Variants in PSMA8 observed in about 807,000 individuals in gnomAD.
PSMA8 encodes the protein proteasome 20S subunit alpha 8.
Under a neutral mutation model 32.4 loss-of-function variants are expected in PSMA8, and 18 were observed. The observed-to-expected ratio is 0.56, with a 90% CI of 0.38 to 0.82. PSMA8 has a LOEUF of 0.82. PSMA8 is among the 40% of genes least tolerant of loss of function. The pLI is 0.00. For missense variants in PSMA8, 298 were observed against 300.7 expected (o/e 0.99, Z 0.07); for synonymous variants, 104 against 98.1 (o/e 1.06, Z -0.36).
chr18:26,141,047 C>T (rs542142313), intron 1 of PSMA8, among the ~76,000 whole-genome samples: 1 of 152,142 alleles, frequency 6.6e-6, no homozygotes, highest in African/African-American at 2.4e-5. Flanking sequence ...TCACTCTATC[C>T]CTTTCCTAAT....
intron 1 of PSMA8, among the ~76,000 whole-genome samples, chr18:26,142,745 A>T (rs1005918577): frequency 2.6e-5 from 4 of 152,134 alleles, no homozygotes; most frequent in African/African-American, 9.7e-5. Flanking sequence ...CATAGTTAGA[A>T]CTTTCTTGCT....
intron 1 of PSMA8, chr18:26,139,919 T>A: frequency 1.7e-6 from 1 of 602,668 alleles, no homozygotes; most frequent in Non-Finnish European, 3.0e-6. Flanking sequence ...TCGCATAGTG[T>A]TTTCCTGATC....
At chr18:26,137,189 G>A (rs183111444) in intron 1 of PSMA8, among the ~76,000 whole-genome samples, 127 of 152,322 alleles carry the variant, frequency 8.3e-4, no homozygotes, top group Non-Finnish European at 9.6e-4. Flanking sequence ...TGGGCGTGGT[G>A]GCTGATGCCT....
chr18:26,154,363 T>C (rs1055055824), intron 3 of PSMA8, among the ~76,000 whole-genome samples: 9 of 152,230 alleles, frequency 5.9e-5, no homozygotes, highest in African/African-American at 1.9e-4. Context: ...TTATTCTACT[T>C]ATTTTATTTG....
At chr18:26,184,900 A>G (rs1343183163) in intron 6 of PSMA8, among the ~76,000 whole-genome samples, 2 of 149,538 alleles carry the variant, frequency 1.3e-5, no homozygotes, top group Admixed American at 6.7e-5. Flanking sequence ...CAGCCTAGCC[A>G]TCATGGTAAA....
At chr18:26,179,267 C>T (rs1368741220) in intron 6 of PSMA8, 137 bp downstream of exon 6, 3 of 569,362 alleles carry the variant, frequency 5.3e-6, no homozygotes, top group East Asian at 6.0e-5. Flanking sequence ...CATTTCTGAC[C>T]GTCTACCGGT....
At chr18:26,185,082 C>G (rs1291140289) in intron 6 of PSMA8, among the ~76,000 whole-genome samples, 2 of 122,658 alleles carry the variant, frequency 1.6e-5, no homozygotes, top group Non-Finnish European at 3.3e-5. Flanking sequence ...AGCGAAACTC[C>G]ATCTCAAAAA....
At chr18:26,143,046 C>T (rs778973555) in intron 1 of PSMA8, among the ~76,000 whole-genome samples, 6 of 152,094 alleles carry the variant, frequency 3.9e-5, no homozygotes, top group South Asian at 2.1e-4. Context: ...CTAGTACTGC[C>T]GCCTTTATAA....
rs962729437 is a variant in PSMA8, at chr18:26,193,078, C to A, written c.*667C>A. 8 of 152,212 alleles carry A rather than the reference C, an allele frequency of 5.3e-5. No homozygotes were observed. Among genetic ancestry groups the A allele is most frequent in the African/African-American group, 9.6e-5 (4 of 41,552 alleles). The allele number at this position is 152,212 out of a possible 1,614,324, so 9.4% of individuals were successfully genotyped here. On this transcript the variant is annotated 3_prime_UTR_variant, in exon 7 of 7. Coordinates refer to ENST00000415576, the MANE Select transcript of PSMA8 (RefSeq NM_001025096.2). ...CTAAGGGCATCTTAACAGGATGCTA[C>A]ATGAAAATAAGGAAAGAAATTAATA...
intron 1 of PSMA8, among the ~76,000 whole-genome samples, chr18:26,137,786 C>T (rs1250455186): frequency 1.3e-5 from 2 of 152,084 alleles, no homozygotes; most frequent in African/African-American, 4.8e-5. Context: ...TAGATAATTA[C>T]ATAAATAGTC....
At chr18:26,155,119 C>T (rs1218994397) in intron 3 of PSMA8, among the ~76,000 whole-genome samples, 1 of 151,968 alleles carries the variant, frequency 6.6e-6, no homozygotes, top group Non-Finnish European at 1.5e-5. Context: ...CCTGTAACCC[C>T]AGCTACTTGG....
intron 4 of PSMA8, among the ~76,000 whole-genome samples, chr18:26,159,137 T>A (rs2055115460): frequency 6.6e-6 from 1 of 152,192 alleles, no homozygotes; most frequent in Non-Finnish European, 1.5e-5. Flanking sequence ...AAAAGTTAAA[T>A]ACCCAGATTT....
chr18:26,145,680 T>C (rs921273154), intron 2 of PSMA8, among the ~76,000 whole-genome samples: 7 of 152,216 alleles, frequency 4.6e-5, no homozygotes, highest in African/African-American at 1.7e-4. Context: ...TTCATGCAAG[T>C]TGTTGCATAT....
chr18:26,139,656 T>A (rs1215911554), intron 1 of PSMA8, among the ~76,000 whole-genome samples: 5 of 152,182 alleles, frequency 3.3e-5, no homozygotes, highest in Non-Finnish European at 7.3e-5. Context: ...TAAGACTAAA[T>A]ATAGACTATA....
intron 3 of PSMA8, among the ~76,000 whole-genome samples, chr18:26,157,441 T>C (rs564523714): frequency 1.3e-5 from 2 of 152,120 alleles, no homozygotes; most frequent in African/African-American, 4.8e-5. Context: ...AATGCTTCTT[T>C]GCACGACTTT....
At chr18:26,177,002 A>G (rs1022875489) in intron 4 of PSMA8, among the ~76,000 whole-genome samples, 2 of 152,202 alleles carry the variant, frequency 1.3e-5, no homozygotes, top group South Asian at 2.1e-4. Flanking sequence ...AATGCCAGTG[A>G]AAGGATAGAC....
intron 4 of PSMA8, 108 bp from the exon 5 acceptor site, chr18:26,178,722 T>C (rs1043097820): frequency 1.1e-6 from 1 of 950,412 alleles, no homozygotes; most frequent in Admixed American, 2.8e-5. Context: ...CATTTGGTAA[T>C]TTTATTAAGG....
At chr18:26,145,992 G>T (rs1434961859) in intron 2 of PSMA8, among the ~76,000 whole-genome samples, 1 of 152,042 alleles carries the variant, frequency 6.6e-6, no homozygotes, top group African/African-American at 2.4e-5. Flanking sequence ...TGATTCATTT[G>T]CTCTGTGTTA....
chr18:26,149,716 G>A lies in PSMA8; in HGVS notation c.230-2142G>A, dbSNP rs190770105. Among the ~76,000 whole-genome samples, 369 of 152,192 alleles carry A rather than the reference G, an allele frequency of 2.4e-3. 2 individuals carry two copies. Among genetic ancestry groups the A allele is most frequent in the African/African-American group, 8.1e-3 (338 of 41,512 alleles). ...AATCTTCTAAACAAATGGTGCAGGG[G>A]AAACTGAATATTCACATAAAAAGAA... On this transcript the variant is annotated intron_variant, in intron 2 of 6. Coordinates refer to ENST00000415576, the MANE Select transcript of PSMA8 (RefSeq NM_001025096.2).
Sources: allele counts gnomAD v4.1 joint callset (sites outside exome capture counted in the v4.1 genomes callset), GRCh38; gene constraint gnomAD v4.1.1; transcripts MANE v1.5; gene names NCBI Gene and HGNC (gene_info 2026-07-23, HGNC 2026-07-21).